The following SMARCC2 variants were observed in gnomAD, a reference collection of about 807,000 sequenced individuals.
The protein encoded by SMARCC2 is SWI/SNF complex subunit SMARCC2.
Under a neutral mutation model 151.3 loss-of-function variants are expected in SMARCC2, and 15 were observed. The observed-to-expected ratio is 0.10, with a 90% CI of 0.07 to 0.15. SMARCC2 has a LOEUF of 0.15. Ranked by LOEUF, SMARCC2 falls within the 10% of genes least tolerant of loss-of-function variation. The pLI is 1.00. For missense variants in SMARCC2, 1,031 were observed against 1,599.7 expected, an observed-to-expected ratio of 0.64 and a Z score of 6.06; for synonymous variants, 590 against 609.5, an observed-to-expected ratio of 0.97 and a Z score of 0.47.
Position 56,172,477 on chromosome 12 carries a change from G to A in SMARCC2, c.1877C>T (p.Ala626Val). ...KNVPSKSKAAASATREWTEQE... is the reference protein window; with the variant it reads ...KNVPSKSKAAVSATREWTEQE... ...TTCTGTCCACTCACGAGTGGCACTG[G>A]CTGCAGCCTTGCTCTGCAGGGGAAA... is the stretch of plus-strand genomic sequence containing the variant. Residue 626 changes from alanine to valine, a missense_variant, in exon 20 of 29, where the codon GCC (alanine) becomes GTC (valine). By Grantham distance (64) the Ala-to-Val change is moderately conservative. Transcript: ENST00000550164. The A allele has an allele frequency of 6.9e-6, 11 of 1,599,162 alleles. No individual in the cohort carries two copies. Among genetic ancestry groups the A allele is most frequent in the Non-Finnish European group, 9.4e-6 (11 of 1,170,984 alleles).
chr12:56,181,280 C>T, intron 10 of SMARCC2, 179 bp from the exon 11 acceptor site: 1 of 677,416 alleles, frequency 1.5e-6, no homozygotes, highest in Non-Finnish European at 2.5e-6. Context: ...ATAAAGCTCT[C>T]TTTAAATGTA....
Position 56,171,340 on chromosome 12 carries a change from C to T in SMARCC2, c.2278G>A (p.Ala760Thr). Residue 760 changes from alanine (A) to threonine (T), a missense_variant, in exon 22 of 29, where the codon GCG (alanine) becomes ACG (threonine). Ala to Thr is a moderately conservative substitution (Grantham distance 58). Coordinates refer to ENST00000550164, the MANE Select transcript of SMARCC2 (RefSeq NM_001330288.2). The surrounding 1 kb of genome is among the most constrained non-coding windows in gnomAD (Gnocchi z 4.2). Reference protein sequence around the residue: ...VEEAAKVTGKADPAFGLESSG... With the variant: ...VEEAAKVTGKTDPAFGLESSG... The stretch of plus-strand genomic sequence containing the variant: ...CTTTCCAGACCGAAGGCAGGGTCCG[C>T]CTTGCCTGTTACTTTGGCTGCTTCT... 1 of 1,614,206 alleles carries T rather than the reference C, an allele frequency of 6.2e-7. No individual in the cohort carries two copies. Among genetic ancestry groups the T allele is most frequent in the Non-Finnish European group, 8.5e-7 (1 of 1,180,042 alleles).
chr12:56,163,700 G>A lies in SMARCC2; in HGVS notation c.3727C>T (p.Pro1243Ser), dbSNP rs760386659. ...GTCTGGCTGGCTCCTCACTGTGGAG[G>A]TGGCACAGGGGTGACCGTGCCTGGG... ...PSPGTVTPVP[P>S]PQ Residue 1243 changes from proline (P) to serine (S), a missense_variant, in exon 29 of 29, where the codon CCT becomes TCT. Pro to Ser is a moderately conservative substitution (Grantham distance 74). Transcript: ENST00000550164. 1.3e-6 allele frequency: 2 copies of A among 1,497,878 alleles called. No homozygotes were observed. Among genetic ancestry groups the A allele is most frequent in the Non-Finnish European group, 1.8e-6 (2 of 1,128,576 alleles). The allele number at this position is 1,497,878 out of a possible 1,614,324, so 92.8% of individuals were successfully genotyped here. A position where few individuals can be genotyped will look rare whatever the true frequency, so the allele number is the denominator to read the frequency against.
chr12:56,183,627 G>T, intron 7 of SMARCC2: 2 of 415,584 alleles, frequency 4.8e-6, no homozygotes, highest in Non-Finnish European at 8.7e-6. Context: ...TTTACTTATC[G>T]AAAATGATGC....
In SMARCC2 at chr12:56,171,579, G is replaced by C; in HGVS notation, c.2185+100C>G. 4.7e-6 allele frequency: 7 copies of C among 1,488,156 alleles called. No homozygotes were observed. The highest frequency in any genetic ancestry group is 6.3e-6 in the Non-Finnish European group (7 of 1,103,508). 92.2% of individuals were successfully genotyped at this position (1,488,156 alleles called of 1,614,324 possible). Reference sequence around the variant, plus strand: ...CCTGAGCTGAGGCCCGCACAGACAAGGCCAGCAGGGCAGCCAAACTTGAGA... The same window carrying C: ...CCTGAGCTGAGGCCCGCACAGACAACGCCAGCAGGGCAGCCAAACTTGAGA... On this transcript the variant is annotated intron_variant, in intron 21 of 28. Coordinates refer to ENST00000550164, the MANE Select transcript of SMARCC2 (RefSeq NM_001330288.2). This position sits in a 1 kb window ranked among gnomAD's most constrained non-coding sequence, Gnocchi z 4.2.
chr12:56,178,919 A>C, intron 12 of SMARCC2, 72 bp from the exon 13 acceptor site: 1 of 1,602,568 alleles, frequency 6.2e-7, no homozygotes, highest in South Asian at 1.1e-5. Context: ...AAAGCCCATC[A>C]GGCTAGCGAA....
At chr12:56,189,028 G>A (rs1877831025) in intron 1 of SMARCC2, among the ~76,000 whole-genome samples, 1 of 151,972 alleles carries the variant, frequency 6.6e-6, no homozygotes, top group Non-Finnish European at 1.5e-5. Context: ...ACACCCGGCC[G>A]GCCGCCTCTC....
Position 56,178,503 on chromosome 12 carries a change from C to CCCT in SMARCC2, c.1208_1210dup (p.Lys403_Gly404insGlu). On this transcript the variant is annotated inframe_insertion, in exon 14 of 29. Coordinates refer to ENST00000550164, the MANE Select transcript of SMARCC2 (RefSeq NM_001330288.2). ...CAGGTCTGGATTCTTGGTCTGCTCT[C>CCCT]CCTTGTTCCCCGTACTGTTCTCATC... is the stretch of plus-strand genomic sequence containing the variant. The CCCT allele has an allele frequency of 5.0e-6, 8 of 1,614,166 alleles. No individual in the cohort carries two copies. The highest frequency in any genetic ancestry group is 6.8e-6 in the Non-Finnish European group (8 of 1,180,020).
In SMARCC2 at chr12:56,164,642, C is replaced by T; in HGVS notation, c.3322G>A (p.Ala1108Thr). ...ATGCCAAAAGGCAAACCCAAAGGAG[C>T]ATTACCCGCCACGCCTGGGTGCCCG... ...GSGHPGVAGN[A>T]PLGLPFGMPP... The change falls in exon 28 of 29, where the codon GCT becomes ACT. Residue 1108 changes from alanine (A) to threonine (T), a missense_variant. Ala to Thr is a moderately conservative substitution (Grantham distance 58). Coordinates refer to ENST00000550164, the MANE Select transcript of SMARCC2 (RefSeq NM_001330288.2). 1.2e-6 allele frequency: 2 copies of T among 1,610,098 alleles called. No homozygotes were observed. Among genetic ancestry groups the T allele is most frequent in the Middle Eastern group, 1.7e-4 (1 of 6,038 alleles).
At position 56,171,448 on chromosome 12, in the gene SMARCC2, A is replaced by T; in HGVS notation, c.2186-16T>A. ...GAGAACTCCTCTGCAAGACCCAGAA[A>T]GAATGAGGCTGGGAGCGGCACAGTG... is the stretch of plus-strand genomic sequence containing the variant. On this transcript the variant is annotated splice_polypyrimidine_tract_variant and intron_variant, in intron 21 of 28. Transcript: ENST00000550164. The surrounding 1 kb of genome is among the most constrained non-coding windows in gnomAD (Gnocchi z 4.2). 1 of 1,614,212 alleles carries T rather than the reference A, an allele frequency of 6.2e-7. No homozygotes were observed. The highest frequency in any genetic ancestry group is 1.3e-5 in the African/African-American group (1 of 75,064).
intron 20 of SMARCC2, 107 bp from the exon 21 acceptor site, chr12:56,172,044 T>C: frequency 1.0e-6 from 1 of 996,338 alleles, no homozygotes; most frequent in East Asian, 2.5e-5. Context: ...CTCTATGTTC[T>C]GGTATTTGTG....
intron 5 of SMARCC2, 71 bp from the exon 6 acceptor site, chr12:56,184,315 GC>G: frequency 9.0e-7 from 1 of 1,110,228 alleles, no homozygotes; most frequent in Non-Finnish European, 1.4e-6. Context: ...CCACAGAGCT[GC>G]CTTCCTAACC....
At position 56,181,920 on chromosome 12, in the gene SMARCC2, G is replaced by A. The variant is rs998721226; in HGVS notation, c.708+84C>T. On this transcript the variant is annotated intron_variant, in intron 8 of 28. Coordinates refer to ENST00000550164, the MANE Select transcript of SMARCC2 (RefSeq NM_001330288.2). ...GACCCTTAACAGAAAAAGCTCAAGG[G>A]CATACAAGCCTCTGTTTCACTTCCA... 8.2e-6 allele frequency: 13 copies of A among 1,591,426 alleles called. No homozygotes were observed. The Admixed American group carries it at 2.2e-4, about 27-fold the overall frequency.
At chr12:56,186,427 T>G (rs1877269432) in intron 2 of SMARCC2, among the ~76,000 whole-genome samples, 187 bp from the exon 3 acceptor site, 1 of 150,878 alleles carries the variant, frequency 6.6e-6, no homozygotes, top group Non-Finnish European at 1.5e-5. Flanking sequence ...CTTGGCTCAC[T>G]GCAACCTCTG....
chr12:56,166,045 A>G (rs1350168329), intron 26 of SMARCC2, among the ~76,000 whole-genome samples: 1 of 152,214 alleles, frequency 6.6e-6, no homozygotes, highest in Non-Finnish European at 1.5e-5. Flanking sequence ...AAAATTCACT[A>G]AAAAGTCACT....
At chr12:56,180,409 C>CA (rs1875948735) in intron 11 of SMARCC2, among the ~76,000 whole-genome samples, 1 of 103,060 alleles carries the variant, frequency 9.7e-6, no homozygotes, top group South Asian at 2.9e-4. Context: ...GTGCCCGGCC[C>CA]TTTTTTTTTT....
At chr12:56,179,498 G>C (rs1262530717) in intron 11 of SMARCC2, among the ~76,000 whole-genome samples, 1 of 152,172 alleles carries the variant, frequency 6.6e-6, no homozygotes, top group Non-Finnish European at 1.5e-5. Flanking sequence ...GTAGAAGCCA[G>C]AACTCTTCTT....
intron 8 of SMARCC2, 33 bp from the exon 9 acceptor site, chr12:56,181,868 A>C: frequency 6.2e-7 from 1 of 1,614,018 alleles, no homozygotes; most frequent in South Asian, 1.1e-5. Context: ...GCTGCAGAGA[A>C]GCCTGGAAGC....
At chr12:56,181,130 C>CCAG in intron 10 of SMARCC2, 29 bp from the exon 11 acceptor site, 1 of 1,598,666 alleles carries the variant, frequency 6.3e-7, no homozygotes, top group Non-Finnish European at 8.5e-7. Context: ...GAAAGAGAAC[C>CCAG]CAGTCATCCT....
Sources: allele counts gnomAD v4.1 joint callset (sites outside exome capture counted in the v4.1 genomes callset), GRCh38; gene constraint gnomAD v4.1.1; non-coding constraint Gnocchi (gnomAD v3.1); transcripts MANE v1.5; gene names NCBI Gene and HGNC (gene_info 2026-07-23, HGNC 2026-07-21).